Variants in RERE observed in about 807,000 individuals in gnomAD.
RERE encodes arginine-glutamic acid dipeptide repeats protein.
In RERE, 40 loss-of-function variants were observed where a neutral mutation model predicts 146.1. The ratio of observed to expected loss-of-function variants is 0.27; its 90% CI spans 0.21 to 0.36. The LOEUF is 0.36. Among genes scored for constraint, RERE ranks in the 10% least tolerant of loss-of-function variants. The pLI, the probability that RERE is intolerant of heterozygous loss-of-function variation, is 1.00. For synonymous variants in RERE, 1,003 were observed against 866.0 expected, an observed-to-expected ratio of 1.16 and a Z score of -2.78; for missense variants, 1,933 against 2,138.7, an observed-to-expected ratio of 0.90 and a Z score of 1.90.
rs1638731272 is a variant in RERE at position 8,672,069 on chromosome 1, G to T, written c.-144-15628C>A. Among the ~76,000 whole-genome samples, 3 of 152,034 alleles carry T rather than the reference G, an allele frequency of 2.0e-5. No individual in the cohort carries two copies. In the South Asian group the frequency reaches 6.2e-4, roughly 31 times the overall value. The stretch of plus-strand genomic sequence containing the variant: ...CAGGAGGATCATCACTACAGGCCAG[G>T]AGTTTGAGACCAGCGTGGGCAACAT... On this transcript the variant is annotated intron_variant, in intron 1 of 22. Transcript: ENST00000400908.
At chr1:8,585,979 C>T (rs1570472222) in intron 4 of RERE, among the ~76,000 whole-genome samples, 2 of 152,152 alleles carry the variant, frequency 1.3e-5, no homozygotes, top group African/African-American at 4.8e-5. Flanking sequence ...ATATCCTACA[C>T]CACCTGTAAT....
intron 6 of RERE, among the ~76,000 whole-genome samples, chr1:8,542,156 C>T (rs538080760): frequency 2.6e-5 from 4 of 152,228 alleles, no homozygotes; most frequent in Admixed American, 1.3e-4. Context: ...CACACATACA[C>T]TCACTCCAGG....
At chr1:8,770,802 C>T (rs1640933288) in intron 1 of RERE, among the ~76,000 whole-genome samples, 1 of 152,160 alleles carries the variant, frequency 6.6e-6, no homozygotes, top group African/African-American at 2.4e-5. Flanking sequence ...TAAAAATATT[C>T]ACAGGTTTAT....
At chr1:8,717,754 A>G (rs949601864) in intron 1 of RERE, among the ~76,000 whole-genome samples, 1 of 152,244 alleles carries the variant, frequency 6.6e-6, no homozygotes, top group African/African-American at 2.4e-5. Flanking sequence ...AGAGGACTGG[A>G]AGGTAACCAG....
rs190775976 is a variant in RERE at position 8,767,003 on chromosome 1, T to C, written c.-145+50157A>G. On this transcript the variant is annotated intron_variant, in intron 1 of 22. Transcript: ENST00000400908. ...ATCAAAAACTGCATTATTTTTCTTTTACCTTTATATAAAATGTACTGAATT... is the reference window on the plus strand; with the variant it reads ...ATCAAAAACTGCATTATTTTTCTTTCACCTTTATATAAAATGTACTGAATT... Among the ~76,000 whole-genome samples the C allele has an allele frequency of 2.9e-3, 446 of 152,384 alleles. 3 individuals are homozygous for C. The highest frequency in any genetic ancestry group is 0.01 in the African/African-American group (425 of 41,592).
intron 12 of RERE, among the ~76,000 whole-genome samples, chr1:8,384,030 G>A (rs1356647716): frequency 6.6e-6 from 1 of 152,178 alleles, no homozygotes; most frequent in Non-Finnish European, 1.5e-5. Context: ...TCTCGTAGTA[G>A]AAAGGTCTAA....
intron 4 of RERE, among the ~76,000 whole-genome samples, 188 bp from the exon 5 acceptor site, chr1:8,557,711 C>T (rs1257316125): frequency 2.6e-5 from 4 of 152,182 alleles, no homozygotes; most frequent in Admixed American, 2.6e-4. Context: ...AAACACCCAT[C>T]AATAGATCCC....
At chr1:8,466,287 C>A (rs1419771582) in intron 10 of RERE, among the ~76,000 whole-genome samples, 1 of 152,134 alleles carries the variant, frequency 6.6e-6, no homozygotes, top group Non-Finnish European at 1.5e-5. Context: ...CCTATATTCC[C>A]ATAAAGCAAA....
intron 1 of RERE, chr1:8,786,315 C>T (rs1398462040): frequency 5.6e-6 from 5 of 887,700 alleles, no homozygotes. Context: ...ATTTGAAGGG[C>T]CACAGGAAGT....
At chr1:8,791,452 T>C (rs985425915) in intron 1 of RERE, among the ~76,000 whole-genome samples, 4 of 152,184 alleles carry the variant, frequency 2.6e-5, no homozygotes, top group Admixed American at 2.6e-4. Flanking sequence ...CATTATATCT[T>C]GCAAGAGACA....
chr1:8,678,959 T>G (rs1638905202), intron 1 of RERE, among the ~76,000 whole-genome samples: 1 of 152,180 alleles, frequency 6.6e-6, no homozygotes, highest in Non-Finnish European at 1.5e-5. Flanking sequence ...GCTATTTAAA[T>G]AAATTTCAAT....
intron 1 of RERE, among the ~76,000 whole-genome samples, chr1:8,682,625 G>A (rs184439265): frequency 6.6e-6 from 1 of 152,232 alleles, no homozygotes; most frequent in African/African-American, 2.4e-5. Flanking sequence ...CAATGTATAG[G>A]TGGTAAAAAT....
At chr1:8,709,446 G>A (rs1639624704) in intron 1 of RERE, among the ~76,000 whole-genome samples, 1 of 151,964 alleles carries the variant, frequency 6.6e-6, no homozygotes, top group African/African-American at 2.4e-5. Context: ...AGAGTATATG[G>A]TCCTACGGAA....
intron 1 of RERE, among the ~76,000 whole-genome samples, chr1:8,811,789 C>T (rs1048594560): frequency 2.6e-5 from 4 of 152,224 alleles, no homozygotes; most frequent in African/African-American, 9.7e-5. Flanking sequence ...TCCTCACAAG[C>T]TCTCTTTTAA....
At chr1:8,407,382 G>A (rs1284196150) in intron 12 of RERE, among the ~76,000 whole-genome samples, 1 of 152,184 alleles carries the variant, frequency 6.6e-6, no homozygotes, top group Admixed American at 6.5e-5. Context: ...CATCTCAACA[G>A]CTCTAGGATA....
intron 2 of RERE, among the ~76,000 whole-genome samples, chr1:8,639,306 T>C (rs917254601): frequency 6.6e-6 from 1 of 152,162 alleles, no homozygotes; most frequent in African/African-American, 2.4e-5. Flanking sequence ...GTAAAACATA[T>C]GACAAAACTG....
At chr1:8,791,916 G>T (rs1317525538) in intron 1 of RERE, among the ~76,000 whole-genome samples, 1 of 152,086 alleles carries the variant, frequency 6.6e-6, no homozygotes, top group East Asian at 1.9e-4. Flanking sequence ...ATCATCAACA[G>T]AACAGGTGAA....
intron 12 of RERE, among the ~76,000 whole-genome samples, chr1:8,381,542 T>C (rs894997681): frequency 6.6e-6 from 1 of 152,196 alleles, no homozygotes; most frequent in Non-Finnish European, 1.5e-5. Context: ...TAAACACACA[T>C]AGGTGGAAAA....
chr1:8,770,939 C>T (rs1036076397), intron 1 of RERE, among the ~76,000 whole-genome samples: 1 of 152,002 alleles, frequency 6.6e-6, no homozygotes, highest in African/African-American at 2.4e-5. Flanking sequence ...TTATGGAATA[C>T]CTGTAATTAT....
Sources: allele counts gnomAD v4.1 joint callset (sites outside exome capture counted in the v4.1 genomes callset), GRCh38; gene constraint gnomAD v4.1.1; transcripts MANE v1.5; gene names NCBI Gene and HGNC (gene_info 2026-07-23, HGNC 2026-07-21).